The following SORCS2 variants were observed in gnomAD, a reference collection of about 807,000 sequenced individuals.
SORCS2 encodes the protein sortilin related VPS10 domain containing receptor 2.
In SORCS2, 100 loss-of-function variants were observed where a neutral mutation model predicts 141.6. The observed-to-expected ratio is 0.71, with a 90% confidence interval of 0.60 to 0.83. The LOEUF is 0.83. Among genes scored for constraint, SORCS2 ranks in the 40% least tolerant of loss-of-function variants. SORCS2 has a pLI of 0.00. For synonymous variants in SORCS2, 789 were observed against 676.9 expected (o/e 1.17, Z -2.57); for missense variants, 1,646 against 1,560.2 (o/e 1.05, Z -0.93).
At chr4:7,390,321 G>A (rs1723774286) in intron 1 of SORCS2, among the ~76,000 whole-genome samples, 1 of 152,224 alleles carries the variant, frequency 6.6e-6, no homozygotes, top group Non-Finnish European at 1.5e-5. Flanking sequence ...GCAGCCATGT[G>A]TCAGGCTGCT....
intron 1 of SORCS2, among the ~76,000 whole-genome samples, chr4:7,262,986 G>A (rs1207818065): frequency 6.6e-6 from 1 of 152,176 alleles, no homozygotes; most frequent in African/African-American, 2.4e-5. Flanking sequence ...GCCCAGTTTG[G>A]TCTCAGGGAC....
chr4:7,641,882 G>A (rs1380050408), intron 4 of SORCS2, among the ~76,000 whole-genome samples: 1 of 150,544 alleles, frequency 6.6e-6, no homozygotes, highest in African/African-American at 2.5e-5. Context: ...GTGGATGGAT[G>A]GGGATGGATG....
intron 1 of SORCS2, among the ~76,000 whole-genome samples, chr4:7,375,521 A>T (rs1722583089): frequency 6.6e-6 from 1 of 152,142 alleles, no homozygotes; most frequent in South Asian, 2.1e-4. Flanking sequence ...GCCTTTTCTC[A>T]CGCATGTCCA....
chr4:7,380,440 G>T (rs1353712430), intron 1 of SORCS2, among the ~76,000 whole-genome samples: 3 of 149,600 alleles, frequency 2.0e-5, no homozygotes, highest in African/African-American at 7.5e-5. Context: ...TATTACTGGG[G>T]ACTGGTGAGG....
intron 10 of SORCS2, 78 bp downstream of exon 10, chr4:7,682,967 G>A (rs1313896704): frequency 4.6e-6 from 7 of 1,517,142 alleles, no homozygotes; most frequent in African/African-American, 1.4e-5. Flanking sequence ...GAAGGTCAGA[G>A]GTGGTGATGT....
intron 7 of SORCS2, among the ~76,000 whole-genome samples, chr4:7,665,332 G>T (rs1004202961): frequency 1.3e-5 from 2 of 152,176 alleles, no homozygotes; most frequent in African/African-American, 4.8e-5. Flanking sequence ...CACTGTTAAA[G>T]CAGGCCAGAC....
chr4:7,318,145 A>G (rs1427328331), intron 1 of SORCS2, among the ~76,000 whole-genome samples: 3 of 152,204 alleles, frequency 2.0e-5, no homozygotes, highest in East Asian at 1.9e-4. Context: ...GCCATTTTGC[A>G]TATATACTTG....
intron 5 of SORCS2, among the ~76,000 whole-genome samples, chr4:7,659,564 GC>G (rs1353395871): frequency 6.6e-6 from 1 of 152,244 alleles, no homozygotes; most frequent in African/African-American, 2.4e-5. Flanking sequence ...CTGAGCAGCA[GC>G]CTTTGCCCTG....
At chr4:7,640,022 T>C (rs1304193657) in intron 4 of SORCS2, among the ~76,000 whole-genome samples, 1 of 148,868 alleles carries the variant, frequency 6.7e-6, no homozygotes, top group East Asian at 2.2e-4. Context: ...TCTGTGGGAG[T>C]GTGTACGTGA....
intron 1 of SORCS2, among the ~76,000 whole-genome samples, chr4:7,308,785 C>G (rs554891934): frequency 2.9e-4 from 44 of 152,152 alleles, no homozygotes; most frequent in African/African-American, 9.1e-4. Flanking sequence ...TCCTCTCTCT[C>G]TAGCACCCTG....
At chr4:7,670,153 G>C (rs1370452961) in intron 8 of SORCS2, among the ~76,000 whole-genome samples, 2 of 152,214 alleles carry the variant, frequency 1.3e-5, no homozygotes, top group African/African-American at 4.8e-5. Flanking sequence ...AGTTGGAATA[G>C]ATCAGCTTCA....
chr4:7,652,381 C>A (rs1721499665), intron 4 of SORCS2, among the ~76,000 whole-genome samples: 1 of 152,202 alleles, frequency 6.6e-6, no homozygotes, highest in African/African-American at 2.4e-5. Context: ...GGCCAGAGCA[C>A]TGGGTGTGAA....
At chr4:7,672,911 A>T (rs982147986) in intron 8 of SORCS2, among the ~76,000 whole-genome samples, 1 of 152,186 alleles carries the variant, frequency 6.6e-6, no homozygotes, top group Non-Finnish European at 1.5e-5. Context: ...TGTTTCTGTT[A>T]CTCACAAGCA....
chr4:7,407,785 G>C (rs1033567017), intron 2 of SORCS2, among the ~76,000 whole-genome samples: 1 of 151,872 alleles, frequency 6.6e-6, no homozygotes, highest in African/African-American at 2.4e-5. Flanking sequence ...TTGTGGTTAA[G>C]TGCTTTTTCT....
chr4:7,725,912 T>C (rs1727187750), intron 20 of SORCS2, among the ~76,000 whole-genome samples: 1 of 152,184 alleles, frequency 6.6e-6, no homozygotes, highest in African/African-American at 2.4e-5. Context: ...GGGCTCTGGA[T>C]TGTGTTTCTC....
chr4:7,307,603 T>C (rs75461039), intron 1 of SORCS2, among the ~76,000 whole-genome samples: 1,834 of 152,340 alleles, frequency 0.012, 41 homozygotes, highest in African/African-American at 0.041. Context: ...TCCTTCCTTT[T>C]GGATTGAGGT....
intron 1 of SORCS2, among the ~76,000 whole-genome samples, chr4:7,364,271 A>G (rs1487167201): frequency 6.6e-6 from 1 of 152,246 alleles, no homozygotes; most frequent in African/African-American, 2.4e-5. Flanking sequence ...AAGTGAACTG[A>G]ATCCACTCTC....
chr4:7,732,294 A>G (rs533229817), intron 23 of SORCS2, among the ~76,000 whole-genome samples: 1 of 152,290 alleles, frequency 6.6e-6, no homozygotes, highest in Admixed American at 6.5e-5. Flanking sequence ...AACAGAGCTG[A>G]CCAGTGCTGT....
Position 7,724,678 on chromosome 4 carries a change from GTGGTGATGGTGGTGGTGT to G in SORCS2, c.2612-461_2612-444del, listed in dbSNP as rs796439686. On this transcript the variant is annotated intron_variant, in intron 19 of 26. Coordinates refer to ENST00000507866, the MANE Select transcript of SORCS2 (RefSeq NM_020777.3). ...GGTAGTTATGGTGATAATGGTGGTA[GTGGTGATGGTGGTGGTGT>G]TGGTGATGGTGGTGATAGTATTGGT... 8.4e-4 allele frequency among the ~76,000 whole-genome samples: 88 copies of G among 105,382 alleles called. 1 individual carries two copies. Among genetic ancestry groups the G allele is most frequent in the East Asian group, 2.6e-3 (9 of 3,404 alleles). The allele number at this position is 105,382 out of a possible 152,430, so 69.1% of individuals were successfully genotyped here.
Sources: gnomAD v4.1 joint callset for allele counts (sites outside exome capture counted in the v4.1 genomes callset) on GRCh38, gnomAD v4.1.1 for gene constraint, MANE v1.5 for transcripts, NCBI Gene and HGNC (gene_info 2026-07-23, HGNC 2026-07-21) for gene names.